Variants in OMA1 observed in about 807,000 individuals in gnomAD.
OMA1 encodes metalloendopeptidase OMA1, mitochondrial.
In OMA1, 38 loss-of-function variants were observed where a neutral mutation model predicts 30.9. That is an observed-to-expected ratio of 1.23 (90% CI 0.95 to 1.61). OMA1 has a LOEUF of 1.61. Among genes scored for constraint, OMA1 ranks in the 40% most tolerant of loss-of-function variants. The pLI is 0.00. For synonymous variants in OMA1, 173 were observed against 121.9 expected (o/e 1.42, Z -2.76); for missense variants, 461 against 349.2 (o/e 1.32, Z -2.55).
At chr1:58,540,509 GA>G (rs1331826866) in intron 1 of OMA1, among the ~76,000 whole-genome samples, 2 of 151,236 alleles carry the variant, frequency 1.3e-5, no homozygotes, top group Non-Finnish European at 2.9e-5. Context: ...GAAGCTAAAG[GA>G]AAATATGAGC....
chr1:58,510,669 G>A (rs1369893929), intron 7 of OMA1, among the ~76,000 whole-genome samples: 1 of 151,738 alleles, frequency 6.6e-6, no homozygotes, highest in Non-Finnish European at 1.5e-5. Context: ...AAATCAGAAA[G>A]AAAGAAGTAA....
intron 8 of OMA1, among the ~76,000 whole-genome samples, chr1:58,494,813 T>C (rs1227649035): frequency 6.6e-6 from 1 of 152,232 alleles, no homozygotes; most frequent in Non-Finnish European, 1.5e-5. Context: ...ACCTTTACAC[T>C]GTTGGTGGGA....
intron 8 of OMA1, among the ~76,000 whole-genome samples, chr1:58,490,353 T>G (rs930960008): frequency 6.6e-6 from 1 of 151,926 alleles, no homozygotes; most frequent in Non-Finnish European, 1.5e-5. Flanking sequence ...TGATGGAAGA[T>G]GAAATTAATG....
intron 5 of OMA1, among the ~76,000 whole-genome samples, chr1:58,532,364 T>C (rs1646446929): frequency 6.6e-6 from 1 of 152,196 alleles, no homozygotes; most frequent in African/African-American, 2.4e-5. Flanking sequence ...CTGAACTAGA[T>C]GCCTAAAAAA....
chr1:58,481,573 T>C (rs1161977708), intron 8 of OMA1, among the ~76,000 whole-genome samples: 2 of 152,156 alleles, frequency 1.3e-5, no homozygotes, highest in Non-Finnish European at 2.9e-5. Context: ...TGACTGAATA[T>C]ACTGAAAAAA....
intron 8 of OMA1, among the ~76,000 whole-genome samples, chr1:58,495,305 A>G (rs947485979): frequency 3.9e-5 from 6 of 152,078 alleles, no homozygotes; most frequent in African/African-American, 1.2e-4. Flanking sequence ...GCATTAGGAG[A>G]TATACCTAAT....
intron 7 of OMA1, among the ~76,000 whole-genome samples, chr1:58,510,818 T>G (rs1430035679): frequency 6.6e-6 from 1 of 152,232 alleles, no homozygotes; most frequent in South Asian, 2.1e-4. Context: ...AGTTATGTTC[T>G]ACACACTAAC....
At chr1:58,499,704 G>A (rs1645871308) in intron 8 of OMA1, among the ~76,000 whole-genome samples, 1 of 151,890 alleles carries the variant, frequency 6.6e-6, no homozygotes, top group Non-Finnish European at 1.5e-5. Flanking sequence ...TAGTTGGTTT[G>A]ATTTAACCAT....
chr1:58,533,610 A>C (rs985786488), intron 5 of OMA1, among the ~76,000 whole-genome samples: 6 of 152,206 alleles, frequency 3.9e-5, no homozygotes, highest in African/African-American at 1.4e-4. Flanking sequence ...TCACTTCCCT[A>C]CAATTAATTT....
chr1:58,508,818 C>T (rs1646029044), intron 7 of OMA1, among the ~76,000 whole-genome samples: 1 of 152,072 alleles, frequency 6.6e-6, no homozygotes, highest in South Asian at 2.1e-4. Context: ...AGAGAAACTC[C>T]AGAGCCCAGC....
At chr1:58,514,376 T>C (rs953510686) in intron 7 of OMA1, among the ~76,000 whole-genome samples, 8 of 152,308 alleles carry the variant, frequency 5.3e-5, no homozygotes, top group Admixed American at 5.2e-4. Context: ...TAAATAGATC[T>C]AGACCAAGTA....
intron 7 of OMA1, among the ~76,000 whole-genome samples, chr1:58,513,168 G>C (rs528808700): frequency 6.6e-6 from 1 of 152,222 alleles, no homozygotes; most frequent in Non-Finnish European, 1.5e-5. Flanking sequence ...TGCTGTTCTC[G>C]TGATACTGAG....
At chr1:58,495,090 T>C (rs964126080) in intron 8 of OMA1, among the ~76,000 whole-genome samples, 12 of 152,052 alleles carry the variant, frequency 7.9e-5, no homozygotes, top group Non-Finnish European at 1.8e-4. Context: ...TATGCAGCCA[T>C]AAAAAAGGAT....
intron 1 of OMA1, among the ~76,000 whole-genome samples, chr1:58,542,772 AG>A (rs1342018222): frequency 3.3e-5 from 5 of 152,206 alleles, no homozygotes; most frequent in African/African-American, 1.2e-4. Flanking sequence ...TGCATCTTAC[AG>A]CCTCATTTTA....
rs570813370 is a variant in OMA1 at position 58,491,412 on chromosome 1, C to A, written c.1366-10238G>T. Among the ~76,000 whole-genome samples the A allele has an allele frequency of 1.1e-3, 160 of 152,230 alleles. 1 individual carries two copies. Among genetic ancestry groups the A allele is most frequent in the Non-Finnish European group, 1.8e-3 (124 of 68,018 alleles). On this transcript the variant is annotated intron_variant, in intron 8 of 8. Transcript: ENST00000371226. Reference sequence around the variant, plus strand: ...ATGACAGGATCAAATTCACACATAACAATATTAACCTTAAATGTAAATGGG... The same window carrying A: ...ATGACAGGATCAAATTCACACATAAAAATATTAACCTTAAATGTAAATGGG...
intron 7 of OMA1, among the ~76,000 whole-genome samples, chr1:58,523,244 T>C (rs748581547): frequency 4.6e-5 from 7 of 152,204 alleles, no homozygotes; most frequent in Non-Finnish European, 7.3e-5. Context: ...ATATCCATAA[T>C]CTTTTCATCA....
chr1:58,533,611 C>A (rs1646470603), intron 5 of OMA1, among the ~76,000 whole-genome samples: 1 of 152,056 alleles, frequency 6.6e-6, no homozygotes, highest in African/African-American at 2.4e-5. Flanking sequence ...CACTTCCCTA[C>A]AATTAATTTT....
intron 7 of OMA1, among the ~76,000 whole-genome samples, chr1:58,512,587 A>G (rs1187098671): frequency 6.6e-6 from 1 of 152,218 alleles, no homozygotes; most frequent in African/African-American, 2.4e-5. Context: ...AAATCCTGTC[A>G]TATGCAACAA....
At chr1:58,510,446 A>T (rs1447982549) in intron 7 of OMA1, among the ~76,000 whole-genome samples, 1 of 152,126 alleles carries the variant, frequency 6.6e-6, no homozygotes, top group Non-Finnish European at 1.5e-5. Context: ...AAAAACTCTC[A>T]AACACTAGAA....
Sources: allele counts gnomAD v4.1 joint callset (sites outside exome capture counted in the v4.1 genomes callset), GRCh38; gene constraint gnomAD v4.1.1; transcripts MANE v1.5; gene names NCBI Gene and HGNC (gene_info 2026-07-23, HGNC 2026-07-21).